The following ANKRD44 variants were observed in gnomAD, a reference collection of about 807,000 sequenced individuals.
The protein encoded by ANKRD44 is ankyrin repeat domain 44, also known as serine/threonine-protein phosphatase 6 regulatory ankyrin repeat subunit B.
Under a neutral mutation model 116.0 loss-of-function variants are expected in ANKRD44, and 35 were observed. The ratio of observed to expected loss-of-function variants is 0.30; its 90% confidence interval spans 0.23 to 0.40. The LOEUF (loss-of-function observed/expected upper bound fraction) is 0.40. Ranked by LOEUF, ANKRD44 falls within the 10% of genes least tolerant of loss-of-function variation. ANKRD44 has a pLI of 1.00. For missense variants in ANKRD44, 1,014 were observed against 1,242.6 expected, an observed-to-expected ratio of 0.82 and a Z score of 2.77; for synonymous variants, 435 against 461.8, an observed-to-expected ratio of 0.94 and a Z score of 0.74.
At chr2:197,065,119 C>A (rs2077402809) in intron 16 of ANKRD44, among the ~76,000 whole-genome samples, 1 of 152,176 alleles carries the variant, frequency 6.6e-6, no homozygotes, top group East Asian at 1.9e-4. Flanking sequence ...GACCATAATG[C>A]AATCAAACTA....
intron 27 of ANKRD44, chr2:196,990,837 GAAGGAGAAA>G: frequency 8.1e-7 from 1 of 1,232,454 alleles, no homozygotes; most frequent in Non-Finnish European, 1.0e-6. Context: ...CATTGTACTG[GAAGGAGAAA>G]AAGGCATCAT....
At chr2:197,166,400 T>A (rs749793845) in intron 2 of ANKRD44, among the ~76,000 whole-genome samples, 6 of 152,136 alleles carry the variant, frequency 3.9e-5, no homozygotes, top group East Asian at 1.9e-4. Flanking sequence ...GTTCTAGGGA[T>A]ACAAAGATGA....
At chr2:196,982,111 TA>T (rs1559392592), downstream of ANKRD44, among the ~76,000 whole-genome samples, 48 of 140,808 alleles carry the variant, frequency 3.4e-4, 3 homozygotes, top group East Asian at 2.0e-3. Flanking sequence ...AAAAAAATTA[TA>T]TATATATATA....
chr2:197,115,341 G>C (rs1055944836), intron 8 of ANKRD44, among the ~76,000 whole-genome samples: 19 of 151,982 alleles, frequency 1.3e-4, no homozygotes, highest in African/African-American at 4.3e-4. Flanking sequence ...GTCTCTAATG[G>C]AAAAGAAAAA....
rs182031726 is a variant in ANKRD44 at position 197,029,637 on chromosome 2, C to T, written c.1651-4370G>A. On this transcript the variant is annotated intron_variant, in intron 16 of 27. Transcript: ENST00000282272. ...TCACTCCAGGGATGTTTCTGAAGGCCTTCATGGTACCATTATCCTCATTAC... is the reference window on the plus strand; with the variant it reads ...TCACTCCAGGGATGTTTCTGAAGGCTTTCATGGTACCATTATCCTCATTAC... 2,445 of 355,114 alleles carry T rather than the reference C, an allele frequency of 6.9e-3. 14 individuals are homozygous for T. The highest frequency in any genetic ancestry group is 0.011 in the Non-Finnish European group (2,001 of 185,554). 22.0% of individuals were successfully genotyped at this position (355,114 alleles called of 1,614,324 possible).
chr2:197,129,464 T>C (rs1005315214), intron 4 of ANKRD44, among the ~76,000 whole-genome samples: 1 of 152,166 alleles, frequency 6.6e-6, no homozygotes, highest in African/African-American at 2.4e-5. Flanking sequence ...AACGAACACC[T>C]GTGAGGATTC....
intron 16 of ANKRD44, among the ~76,000 whole-genome samples, chr2:197,048,156 T>C (rs1174518070): frequency 6.6e-6 from 1 of 152,192 alleles, no homozygotes; most frequent in East Asian, 1.9e-4. Flanking sequence ...TTTTACATTG[T>C]GTTTTTCTAA....
intron 1 of ANKRD44, among the ~76,000 whole-genome samples, chr2:197,272,426 T>C (rs1047322984): frequency 1.6e-4 from 25 of 152,204 alleles, no homozygotes; most frequent in African/African-American, 3.1e-4. Context: ...TTAGTAGAGA[T>C]AGGGTTTCAC....
At chr2:197,159,580 C>T (rs1487076138) in intron 2 of ANKRD44, among the ~76,000 whole-genome samples, 1 of 152,240 alleles carries the variant, frequency 6.6e-6, no homozygotes, top group Non-Finnish European at 1.5e-5. Flanking sequence ...CCAAAGACTT[C>T]AATACCTTGT....
intron 1 of ANKRD44, among the ~76,000 whole-genome samples, chr2:197,304,313 C>CA (rs1303067996): frequency 3.3e-5 from 5 of 151,708 alleles, no homozygotes; most frequent in African/African-American, 7.3e-5. Flanking sequence ...GACTCTGTCC[C>CA]AAAAAAATAA....
chr2:197,025,992 A>G (rs2124839955), intron 16 of ANKRD44, among the ~76,000 whole-genome samples: 1 of 143,656 alleles, frequency 7.0e-6, no homozygotes, highest in South Asian at 2.3e-4. Flanking sequence ...CAAATTGTTA[A>G]AACCTTTCTG....
chr2:197,310,593 G>A lies in ANKRD44; in HGVS notation c.12C>T (p.Leu4=). 1 of 1,310,604 alleles carries A rather than the reference G, an allele frequency of 7.6e-7. No homozygotes were observed. Among genetic ancestry groups the A allele is most frequent in the Non-Finnish European group, 1.0e-6 (1 of 1,004,636 alleles). 81.2% of individuals were successfully genotyped at this position (1,310,604 alleles called of 1,614,324 possible). Residue 4 remains leucine, a synonymous_variant, in exon 1 of 28, where the codon CTC becomes CTT. Coordinates refer to ENST00000282272, the MANE Select transcript of ANKRD44 (RefSeq NM_001195144.2). ...CGCCCGCTACCTGGTCGGTGAGTTTGAGCACTGCCATTCTTCCGCTCCTTC... is the reference window on the plus strand; with the variant it reads ...CGCCCGCTACCTGGTCGGTGAGTTTAAGCACTGCCATTCTTCCGCTCCTTC... MAV[L]KLTDQPPLVQ...
intron 16 of ANKRD44, among the ~76,000 whole-genome samples, chr2:197,041,014 T>A (rs1345103920): frequency 6.6e-6 from 1 of 152,212 alleles, no homozygotes; most frequent in Non-Finnish European, 1.5e-5. Context: ...GCTTTAATGC[T>A]AACAGAAGCC....
intron 1 of ANKRD44, among the ~76,000 whole-genome samples, chr2:197,213,904 A>G (rs2081381057): frequency 6.6e-6 from 1 of 152,224 alleles, no homozygotes; most frequent in African/African-American, 2.4e-5. Flanking sequence ...GCAATACTAC[A>G]GCACCTTTAA....
intron 3 of ANKRD44, among the ~76,000 whole-genome samples, chr2:197,139,019 T>A (rs570291249): frequency 6.6e-6 from 1 of 152,078 alleles, no homozygotes; most frequent in African/African-American, 2.4e-5. Context: ...AATGATAAAG[T>A]GTGACGAGGC....
At chr2:197,104,254 G>A (rs1470049882) in intron 9 of ANKRD44, among the ~76,000 whole-genome samples, 1 of 152,108 alleles carries the variant, frequency 6.6e-6, no homozygotes, top group Non-Finnish European at 1.5e-5. Context: ...CCAAGGAGCT[G>A]GGATTACAGG....
In ANKRD44 at chr2:197,118,647, GAAA is replaced by G. The variant is rs57266968; in HGVS notation, c.906+2682_906+2684del. Among the ~76,000 whole-genome samples the G allele has an allele frequency of 1.1e-3, 171 of 149,224 alleles. 2 individuals carry two copies. The highest frequency in any genetic ancestry group is 4.0e-3 in the African/African-American group (164 of 40,716). On this transcript the variant is annotated intron_variant, in intron 8 of 27. Transcript: ENST00000282272. The stretch of plus-strand genomic sequence containing the variant: ...AGAGAGAGAGAGAGAGAGAAAGAAA[GAAA>G]GAAAGAAAGAAAGAAAGAAAGAAAG...
In ANKRD44 at chr2:196,996,902, CAA is replaced by C. The variant is rs55760106; in HGVS notation, c.2748+1433_2748+1434del. ...CTGGGCAACAAGTAAGACTCTGCCTCAAAAAAAAAAAAAAAAAAAAAAATTAT... is the reference window on the plus strand; with the variant it reads ...CTGGGCAACAAGTAAGACTCTGCCTCAAAAAAAAAAAAAAAAAAAAATTAT... On this transcript the variant is annotated intron_variant, in intron 25 of 27. Transcript: ENST00000282272. Among the ~76,000 whole-genome samples the C allele has an allele frequency of 4.7e-3, 421 of 88,968 alleles. 2 individuals carry two copies. The highest frequency in any genetic ancestry group is 0.017 in the African/African-American group (404 of 23,294). The allele number at this position is 88,968 out of a possible 152,430, so 58.4% of individuals were successfully genotyped here.
At chr2:196,978,840 C>G (rs1574211326) in intron 21 of ANKRD44, among the ~76,000 whole-genome samples, 5 of 147,288 alleles carry the variant, frequency 3.4e-5, no homozygotes, top group African/African-American at 1.3e-4. Context: ...CATAGTTTAC[C>G]AACTCTCTGT....
Sources: gnomAD v4.1 joint callset for allele counts (sites outside exome capture counted in the v4.1 genomes callset) on GRCh38, gnomAD v4.1.1 for gene constraint, MANE v1.5 for transcripts, NCBI Gene and HGNC (gene_info 2026-07-23, HGNC 2026-07-21) for gene names.